Variants in TTLL13 observed in about 807,000 individuals in gnomAD.
The protein encoded by TTLL13 is tubulin polyglutamylase TTLL13.
chr15:90,263,969 G>A, the TTLL13 span: 1 of 1,535,990 alleles, frequency 6.5e-7, no homozygotes, highest in South Asian at 1.2e-5. Flanking sequence ...AACTGGACAG[G>A]AGAGCCGGCA....
chr15:90,250,639 G>A, the TTLL13 span: 6 of 1,613,012 alleles, frequency 3.7e-6, no homozygotes, highest in Admixed American at 5.0e-5. Context: ...GAATGGAGCC[G>A]AGTACCTGTA....
chr15:90,256,567 T>TTC, the TTLL13 span, among the ~76,000 whole-genome samples: 30 of 30,436 alleles, frequency 9.9e-4, no homozygotes, highest in African/African-American at 3.6e-3. Context: ...CTTTCTTTCT[T>TTC]TCTTTCTTTC....
the TTLL13 span, chr15:90,249,914 C>T: frequency 6.6e-6 from 1 of 152,084 alleles, no homozygotes; most frequent in East Asian, 1.9e-4. Context: ...AAAGGGCCAG[C>T]GTAGGGGGCT....
At chr15:90,262,804 C>T in the TTLL13 span, 14 of 1,213,702 alleles carry the variant, frequency 1.2e-5, no homozygotes, top group South Asian at 3.2e-5. Context: ...AAATTGAATC[C>T]GATCCTTTGG....
the TTLL13 span, chr15:90,251,718 A>C: frequency 1.0e-6 from 1 of 995,234 alleles, no homozygotes; most frequent in Non-Finnish European, 1.6e-6. Context: ...CTTGCCTCTA[A>C]CCTGTACTGA....
chr15:90,253,374 A>G, the TTLL13 span: 2 of 1,606,630 alleles, frequency 1.2e-6, no homozygotes, highest in South Asian at 1.1e-5. Context: ...TCAGGTACCC[A>G]TCTCCTGACC....
chr15:90,265,297 T>C, the TTLL13 span: 1 of 1,211,994 alleles, frequency 8.3e-7, no homozygotes, highest in Non-Finnish European at 1.0e-6. Context: ...CAGGAGACAA[T>C]GAGCCCCTTT....
chr15:90,260,716 T>C, the TTLL13 span, among the ~76,000 whole-genome samples: 1 of 151,672 alleles, frequency 6.6e-6, no homozygotes, highest in African/African-American at 2.4e-5. Context: ...CTGGGCGTGG[T>C]GGTGCATGCC....
At chr15:90,256,072 G>A in the TTLL13 span, 3 of 1,581,210 alleles carry the variant, frequency 1.9e-6, no homozygotes, top group East Asian at 2.2e-5. Context: ...ATAGCAGGAA[G>A]AGCTCCATGC....
chr15:90,263,400 C>CTA, the TTLL13 span: 1 of 504,538 alleles, frequency 2.0e-6, no homozygotes, highest in African/African-American at 1.9e-5. Context: ...AACTTGCTCT[C>CTA]TATATTCCTG....
the TTLL13 span, among the ~76,000 whole-genome samples, chr15:90,250,203 C>A: frequency 6.6e-6 from 1 of 152,090 alleles, no homozygotes; most frequent in Non-Finnish European, 1.5e-5. Flanking sequence ...AAGTGATCTG[C>A]CCGCCTCAGC....
At chr15:90,257,194 C>T in the TTLL13 span, 1 of 1,613,980 alleles carries the variant, frequency 6.2e-7, no homozygotes, top group African/African-American at 1.3e-5. Context: ...TGATCACATC[C>T]TGTGACCCTC....
the TTLL13 span, chr15:90,262,010 G>GA: frequency 4.6e-6 from 7 of 1,532,138 alleles, no homozygotes; most frequent in Admixed American, 9.9e-5. Flanking sequence ...CCACAGGAAA[G>GA]AAAAAACTGA....
At chr15:90,257,014 A>G in the TTLL13 span, 1 of 955,932 alleles carries the variant, frequency 1.0e-6, no homozygotes, top group Non-Finnish European at 1.5e-6. Flanking sequence ...GGGAGTAATA[A>G]CAGTAACTAT....
At chr15:90,262,093 C>T in the TTLL13 span, 1 of 1,536,130 alleles carries the variant, frequency 6.5e-7, no homozygotes, top group South Asian at 1.2e-5. Flanking sequence ...GGCGGATCTA[C>T]CCTGGGCCTG....
chr15:90,258,906 A>G, the TTLL13 span: 3 of 1,614,204 alleles, frequency 1.9e-6, no homozygotes, highest in East Asian at 6.7e-5. Context: ...TTCCAGTGCT[A>G]CCGACAGCCA....
chr15:90,258,304 G>A, the TTLL13 span: 1 of 1,586,736 alleles, frequency 6.3e-7, no homozygotes, highest in Non-Finnish European at 8.7e-7. Context: ...CAAAACCAAG[G>A]TCCAGAGGCC....
the TTLL13 span, among the ~76,000 whole-genome samples, chr15:90,254,201 TTA>T: frequency 0.038 from 4,173 of 110,662 alleles, 195 homozygotes; most frequent in African/African-American, 0.14. Context: ...TTTTTTTTTT[TTA>T]AAAAAAAAAG....
chr15:90,261,577 G>A, the TTLL13 span, among the ~76,000 whole-genome samples: 1 of 151,818 alleles, frequency 6.6e-6, no homozygotes, highest in African/African-American at 2.4e-5. Flanking sequence ...TGGATCACTT[G>A]AGGTCCGGCC....
Sources: allele counts gnomAD v4.1 joint callset (sites outside exome capture counted in the v4.1 genomes callset), GRCh38; gene constraint gnomAD v4.1.1; transcripts MANE v1.5; gene names NCBI Gene and HGNC (gene_info 2026-07-23, HGNC 2026-07-21).